The following RNF115 variants were observed in gnomAD, a reference collection of about 807,000 sequenced individuals.
RNF115 encodes the protein ring finger protein 115, also known as E3 ubiquitin-protein ligase RNF115.
RNF115 carries 31 observed loss-of-function variants against 39.2 expected under a neutral mutation model. That is an observed-to-expected ratio of 0.79 (90% CI 0.59 to 1.07). The LOEUF (loss-of-function observed/expected upper bound fraction) is 1.07, where lower values mean the gene tolerates loss of function less well. RNF115 is among the 50% of genes least tolerant of loss of function. The probability of loss-of-function intolerance (pLI) is 0.00; values close to 1 mark genes in which losing one functional copy is unlikely to be tolerated. For synonymous variants in RNF115, 124 were observed against 131.0 expected (o/e 0.95, Z 0.37); for missense variants, 384 against 381.7 (o/e 1.01, Z -0.05).
intron 4 of RNF115, among the ~76,000 whole-genome samples, chr1:145,767,096 G>C (rs1213171338): frequency 6.6e-6 from 1 of 150,390 alleles, no homozygotes. Flanking sequence ...CTTCCCGGAC[G>C]GGGCGGCTGG....
chr1:145,747,021 A>G lies in RNF115; in HGVS notation c.784-24T>C, dbSNP rs201383579. The G allele has an allele frequency of 8.1e-6, 13 of 1,598,898 alleles. No homozygotes were observed. The African/African-American group carries it at 1.7e-4, about 21-fold the overall frequency. ...TGCTGAAACAGAAAAATATTAGTCT[A>G]TGTGAAGATCCTGGCCTGAGAAGCT... On this transcript the variant is annotated intron_variant, in intron 8 of 8. Coordinates refer to ENST00000582693, the MANE Select transcript of RNF115 (RefSeq NM_014455.4).
At chr1:145,767,494 C>T (rs1261882413) in intron 4 of RNF115, among the ~76,000 whole-genome samples, 1 of 148,806 alleles carries the variant, frequency 6.7e-6, no homozygotes, top group Non-Finnish European at 1.5e-5. Context: ...CCAGACTGGG[C>T]AGCCAGGCAG....
intron 4 of RNF115, among the ~76,000 whole-genome samples, chr1:145,756,386 G>C (rs1553713158): frequency 2.0e-5 from 3 of 152,020 alleles, no homozygotes; most frequent in African/African-American, 7.2e-5. Context: ...CTTGAACCCA[G>C]GACACGGACG....
intron 1 of RNF115, among the ~76,000 whole-genome samples, chr1:145,820,798 C>T (rs1315578343): frequency 5.9e-5 from 9 of 151,384 alleles, no homozygotes; most frequent in Middle Eastern, 3.4e-3. Context: ...TAAGTGTTCT[C>T]ACCACGCAAA....
At chr1:145,789,114 C>A (rs1454254760) in intron 1 of RNF115, 148 bp from the exon 2 acceptor site, 1 of 543,346 alleles carries the variant, frequency 1.8e-6, no homozygotes, top group African/African-American at 2.0e-5. Context: ...TTTTTTTTTT[C>A]TTTTGTGAGA....
chr1:145,772,677 GA>G (rs1176497686), intron 3 of RNF115: 1 of 152,140 alleles, frequency 6.6e-6, no homozygotes, highest in Non-Finnish European at 1.5e-5. Flanking sequence ...TCTGGCTTCG[GA>G]AATTTTAATT....
chr1:145,754,800 T>C (rs1338269777), intron 4 of RNF115, among the ~76,000 whole-genome samples: 1 of 152,250 alleles, frequency 6.6e-6, no homozygotes, highest in Non-Finnish European at 1.5e-5. Context: ...CATTGTGTTT[T>C]CTTTTTTTTA....
chr1:145,795,626 C>G (rs979471876), intron 1 of RNF115, among the ~76,000 whole-genome samples: 1 of 152,138 alleles, frequency 6.6e-6, no homozygotes, highest in African/African-American at 2.4e-5. Context: ...GGCTTCACCT[C>G]TCAGTTCTAG....
chr1:145,809,488 ATTT>A (rs781918386), intron 1 of RNF115, among the ~76,000 whole-genome samples: 25 of 46,342 alleles, frequency 5.4e-4, no homozygotes, highest in East Asian at 1.7e-3. Flanking sequence ...GACCCAGCTA[ATTT>A]TTTTTTTTTT....
At chr1:145,757,978 T>C (rs1680662) in intron 4 of RNF115, among the ~76,000 whole-genome samples, 82,498 of 152,020 alleles carry the variant, frequency 0.54, 24,054 homozygotes, top group African/African-American at 0.75. Flanking sequence ...TGATAGATTT[T>C]GGGAGGAAGT....
chr1:145,767,213 A>G (rs1277754920), intron 4 of RNF115, among the ~76,000 whole-genome samples: 3 of 146,282 alleles, frequency 2.1e-5, no homozygotes, highest in African/African-American at 7.7e-5. Context: ...CTCACTTCCC[A>G]GACGGGGTGG....
intron 1 of RNF115, among the ~76,000 whole-genome samples, chr1:145,821,834 TA>T (rs1553724391): frequency 9.7e-6 from 1 of 103,200 alleles, no homozygotes; most frequent in African/African-American, 3.7e-5. Context: ...AAGGATGGAA[TA>T]TTCAACAAGG....
chr1:145,795,435 T>C (rs1648931551), intron 1 of RNF115, among the ~76,000 whole-genome samples: 1 of 152,096 alleles, frequency 6.6e-6, no homozygotes, highest in African/African-American at 2.4e-5. Context: ...GCTTGATTGG[T>C]CCATTTTACA....
chr1:145,789,935 C>G (rs1183546847), intron 1 of RNF115, among the ~76,000 whole-genome samples: 1 of 150,276 alleles, frequency 6.7e-6, no homozygotes, highest in Non-Finnish European at 1.5e-5. Flanking sequence ...TGACCTCAGG[C>G]GATCCACCCG....
chr1:145,800,531 T>C (rs1649181315), intron 1 of RNF115, among the ~76,000 whole-genome samples: 1 of 152,178 alleles, frequency 6.6e-6, no homozygotes, highest in African/African-American at 2.4e-5. Context: ...AGCCCTTAAC[T>C]GCCTGGCAAC....
chr1:145,739,260 A>T lies in RNF115; in HGVS notation c.*7606T>A, dbSNP rs1657618800. 6.6e-6 allele frequency: 1 copy of T among 152,258 alleles called. No homozygotes were observed. The highest frequency in any genetic ancestry group is 2.1e-4 in the South Asian group (1 of 4,834). The allele number at this position is 152,258 out of a possible 1,614,324, so 9.4% of individuals were successfully genotyped here. A position where few individuals can be genotyped will look rare whatever the true frequency, so the allele number is the denominator to read the frequency against. The stretch of plus-strand genomic sequence containing the variant: ...AGAGAGTGGGCAGGATATTCCTGAT[A>T]GGAGGAACTACATGAATAAAGGGGT... On this transcript the variant is annotated 3_prime_UTR_variant, in exon 9 of 9. Coordinates refer to ENST00000582693, the MANE Select transcript of RNF115 (RefSeq NM_014455.4).
intron 3 of RNF115, among the ~76,000 whole-genome samples, chr1:145,774,280 T>G (rs587650636): frequency 5.4e-5 from 8 of 149,078 alleles, no homozygotes; most frequent in African/African-American, 2.0e-4. Context: ...GCCATTCATA[T>G]GTCTTCTCTT....
At chr1:145,794,712 C>T (rs587755666) in intron 1 of RNF115, among the ~76,000 whole-genome samples, 1 of 151,522 alleles carries the variant, frequency 6.6e-6, no homozygotes, top group African/African-American at 2.4e-5. Flanking sequence ...GTGAGTGTTA[C>T]ACTTCTTAAA....
chr1:145,756,964 T>C (rs984620752), intron 4 of RNF115, among the ~76,000 whole-genome samples: 1 of 150,912 alleles, frequency 6.6e-6, no homozygotes, highest in Admixed American at 6.6e-5. Context: ...GCCTCCTGAG[T>C]AGCTGGGATT....
Sources: gnomAD v4.1 joint callset for allele counts (sites outside exome capture counted in the v4.1 genomes callset) on GRCh38, gnomAD v4.1.1 for gene constraint, MANE v1.5 for transcripts, NCBI Gene and HGNC (gene_info 2026-07-23, HGNC 2026-07-21) for gene names.